Variants in OCM observed in about 807,000 individuals in gnomAD.
OCM encodes the protein oncomodulin-1.
A neutral mutation model predicts 14.1 loss-of-function variants in OCM; 18 were observed. That is an observed-to-expected ratio of 1.28 (90% CI 0.88 to 1.89). The LOEUF (loss-of-function observed/expected upper bound fraction) is 1.89, where lower values mean the gene tolerates loss of function less well. OCM is among the 40% of genes most tolerant of loss of function. The probability of loss-of-function intolerance (pLI) is 0.00; values close to 1 mark genes in which losing one functional copy is unlikely to be tolerated. For missense variants in OCM, 140 were observed against 137.6 expected (o/e 1.02, Z -0.09); for synonymous variants, 48 against 51.0 (o/e 0.94, Z 0.25).
chr7:5,860,012 TC>T, the OCM span, among the ~76,000 whole-genome samples: 1 of 151,554 alleles, frequency 6.6e-6, no homozygotes, highest in East Asian at 1.9e-4. Context: ...GGATGGTTTT[TC>T]CTGGGTTCTG....
At chr7:5,882,379 C>G in intron 1 of OCM, 114 bp from the exon 2 acceptor site, 3 of 1,260,760 alleles carry the variant, frequency 2.4e-6, no homozygotes, top group Non-Finnish European at 3.4e-6. Flanking sequence ...TGAGCATCCC[C>G]GTAGCTCAGG....
chr7:5,862,962 CCT>C, the OCM span, among the ~76,000 whole-genome samples: 1 of 150,552 alleles, frequency 6.6e-6, no homozygotes, highest in Non-Finnish European at 1.5e-5. Flanking sequence ...AACATGGACT[CCT>C]CTACTCCCTC....
chr7:5,875,168 C>T (rs934732151), upstream of OCM, among the ~76,000 whole-genome samples: 16 of 151,880 alleles, frequency 1.1e-4, no homozygotes, highest in African/African-American at 3.9e-4. Flanking sequence ...AATTCTCCTG[C>T]CCCAGCCTCC....
At chr7:5,868,689 CAGTT>C in the OCM span, among the ~76,000 whole-genome samples, 1 of 152,280 alleles carries the variant, frequency 6.6e-6, no homozygotes, top group African/African-American at 2.4e-5. Context: ...CTTTGAGGGT[CAGTT>C]AGAAGGCACT....
the OCM span, among the ~76,000 whole-genome samples, chr7:5,859,952 T>C: frequency 6.6e-6 from 1 of 152,158 alleles, no homozygotes; most frequent in African/African-American, 2.4e-5. Flanking sequence ...CCTCTCAAAG[T>C]GCTGGGATTA....
At chr7:5,864,868 G>A in the OCM span, among the ~76,000 whole-genome samples, 2 of 151,954 alleles carry the variant, frequency 1.3e-5, no homozygotes, top group African/African-American at 4.8e-5. Flanking sequence ...AACCCGGGAG[G>A]CGGAGGTTGC....
chr7:5,870,521 C>A, the OCM span, among the ~76,000 whole-genome samples: 1 of 152,142 alleles, frequency 6.6e-6, no homozygotes, highest in South Asian at 2.1e-4. Context: ...CTGTGTCTTA[C>A]AAAATAAGCC....
intron 1 of OCM, among the ~76,000 whole-genome samples, chr7:5,882,058 G>A (rs1009295858): frequency 8.4e-6 from 1 of 118,508 alleles, no homozygotes; most frequent in African/African-American, 3.3e-5. Flanking sequence ...CTGCACTCCA[G>A]CCTGGTGACA....
At chr7:5,885,919 T>A in intron 3 of OCM, 145 bp from the exon 4 acceptor site, 1 of 640,916 alleles carries the variant, frequency 1.6e-6, no homozygotes, top group Non-Finnish European at 2.8e-6. Flanking sequence ...AGTTTTTCTT[T>A]CTTTTGTGCC....
the OCM span, among the ~76,000 whole-genome samples, chr7:5,874,770 C>T: frequency 3.9e-5 from 6 of 151,960 alleles, no homozygotes; most frequent in Non-Finnish European, 7.4e-5. Context: ...CCTTCCAAAG[C>T]GCTGGGATTG....
chr7:5,870,052 T>C, the OCM span, among the ~76,000 whole-genome samples: 2 of 152,054 alleles, frequency 1.3e-5, no homozygotes, highest in Admixed American at 6.6e-5. Context: ...TTCGTTATTA[T>C]ATATTTTGGG....
chr7:5,885,356 T>C (rs557698729), intron 3 of OCM, among the ~76,000 whole-genome samples: 88 of 152,174 alleles, frequency 5.8e-4, no homozygotes, highest in African/African-American at 2.0e-3. Context: ...AGCTACGGAA[T>C]AGAGAAAGAA....
chr7:5,863,914 C>A, the OCM span, among the ~76,000 whole-genome samples: 6 of 151,922 alleles, frequency 3.9e-5, no homozygotes, highest in Non-Finnish European at 7.4e-5. Context: ...GTCTAGGGAA[C>A]CTGGGGACAC....
chr7:5,880,595 C>T (rs1762810942), upstream of OCM, among the ~76,000 whole-genome samples: 1 of 151,978 alleles, frequency 6.6e-6, no homozygotes. Context: ...CCCGTCTCTA[C>T]TAAAAACACA....
At chr7:5,871,182 C>G in the OCM span, among the ~76,000 whole-genome samples, 5,071 of 147,112 alleles carry the variant, frequency 0.034, 193 homozygotes, top group African/African-American at 0.095. Flanking sequence ...GCCCCCCCCC[C>G]GTCTCTACAA....
At chr7:5,867,927 G>A in the OCM span, among the ~76,000 whole-genome samples, 1 of 151,834 alleles carries the variant, frequency 6.6e-6, no homozygotes, top group Admixed American at 6.6e-5. Context: ...TTGTAGAGAT[G>A]GGGTTCCACC....
At chr7:5,860,004 A>G in the OCM span, among the ~76,000 whole-genome samples, 4 of 151,524 alleles carry the variant, frequency 2.6e-5, no homozygotes, top group Non-Finnish European at 5.9e-5. Flanking sequence ...TTTTTATTGG[A>G]TGGTTTTTCC....
upstream of OCM, chr7:5,879,700 T>TC (rs1315170292): frequency 6.7e-6 from 1 of 149,908 alleles, no homozygotes; most frequent in Admixed American, 6.7e-5. Context: ...TGTTGTTGTT[T>TC]TTTTTTTTTT....
At chr7:5,882,675 T>C (rs1458425922) in intron 2 of OCM, 50 bp downstream of exon 2, 15 of 1,601,206 alleles carry the variant, frequency 9.4e-6, no homozygotes, top group Non-Finnish European at 1.3e-5. Flanking sequence ...TGAGTGGGCC[T>C]GGGGTGCAGT....
Sources: gnomAD v4.1 joint callset for allele counts (sites outside exome capture counted in the v4.1 genomes callset) on GRCh38, gnomAD v4.1.1 for gene constraint, MANE v1.5 for transcripts, NCBI Gene and HGNC (gene_info 2026-07-23, HGNC 2026-07-21) for gene names.